Variants in LRP1B observed in about 807,000 individuals in gnomAD.
LRP1B encodes LDL receptor related protein 1B.
Under a neutral mutation model 556.6 loss-of-function variants are expected in LRP1B, and 217 were observed. That is an observed-to-expected ratio of 0.39 (90% confidence interval 0.35 to 0.44). The LOEUF (loss-of-function observed/expected upper bound fraction) is 0.44. Among genes scored for constraint, LRP1B ranks in the 20% least tolerant of loss-of-function variants. LRP1B has a pLI of 1.00. For missense variants in LRP1B, 5,053 were observed against 5,620.8 expected (o/e 0.90, Z 3.23); for synonymous variants, 2,047 against 1,865.8 (o/e 1.10, Z -2.50).
rs1683170631 is a variant in LRP1B, at chr2:141,487,648, C to A, written c.206-7115G>T. ...CTACTTCATTCACTGTCATCTTTCA[C>A]CCTCCCAAAATACACCAAATATATT... On this transcript the variant is annotated intron_variant, in intron 2 of 90. Transcript: ENST00000389484. 2.0e-5 allele frequency among the ~76,000 whole-genome samples: 3 copies of A among 152,236 alleles called. No individual in the cohort carries two copies. In the South Asian group the frequency reaches 6.2e-4, roughly 32 times the overall value.
At chr2:142,054,439 G>A (rs926222601) in intron 1 of LRP1B, among the ~76,000 whole-genome samples, 1 of 151,898 alleles carries the variant, frequency 6.6e-6, no homozygotes, top group African/African-American at 2.4e-5. Flanking sequence ...ATTATGTTAC[G>A]TACTACCCCT....
intron 2 of LRP1B, among the ~76,000 whole-genome samples, chr2:141,769,131 G>C (rs1481567375): frequency 1.3e-5 from 2 of 152,036 alleles, no homozygotes; most frequent in East Asian, 3.9e-4. Context: ...CCTTATTCTA[G>C]TGTCCACATT....
At chr2:141,909,743 A>T (rs1000121492) in intron 1 of LRP1B, among the ~76,000 whole-genome samples, 2 of 151,976 alleles carry the variant, frequency 1.3e-5, no homozygotes, top group African/African-American at 4.8e-5. Flanking sequence ...AGAGCAAAGT[A>T]AACCTAAACT....
chr2:141,923,587 T>A (rs1700257512), intron 1 of LRP1B, among the ~76,000 whole-genome samples: 2 of 150,540 alleles, frequency 1.3e-5, no homozygotes, highest in Non-Finnish European at 3.0e-5. Flanking sequence ...TTGCCCTATA[T>A]GGTAATGTTA....
chr2:141,000,785 T>C (rs62175303), intron 15 of LRP1B, among the ~76,000 whole-genome samples: 14,008 of 152,126 alleles, frequency 0.092, 789 homozygotes, highest in Non-Finnish European at 0.13. Flanking sequence ...TTTTTAGTGA[T>C]AATTCTTTTT....
chr2:141,519,974 G>T (rs772529399), intron 2 of LRP1B, among the ~76,000 whole-genome samples: 1 of 152,100 alleles, frequency 6.6e-6, no homozygotes, highest in Non-Finnish European at 1.5e-5. Context: ...TAAAATATAA[G>T]TGTATAATAG....
chr2:141,208,877 A>C (rs1235032456), intron 6 of LRP1B, among the ~76,000 whole-genome samples: 10 of 1,300 alleles, frequency 7.7e-3, no homozygotes, highest in Middle Eastern at 0.5. Context: ...ATTCCGTCTC[A>C]AAAAAAAAAA....
At chr2:140,898,201 G>A (rs1270211425) in intron 23 of LRP1B, among the ~76,000 whole-genome samples, 1 of 152,118 alleles carries the variant, frequency 6.6e-6, no homozygotes, top group African/African-American at 2.4e-5. Flanking sequence ...ATTTCTACAT[G>A]TCTGTCCATA....
Position 140,517,222 on chromosome 2 carries a change from A to C in LRP1B, c.8027-211T>G, listed in dbSNP as rs371795018. Among the ~76,000 whole-genome samples the C allele has an allele frequency of 2.0e-5, 3 of 152,312 alleles. No homozygotes were observed. The South Asian group carries it at 6.2e-4, about 32-fold the overall frequency. Reference sequence around the variant, plus strand: ...CAGAGACCCATGAGACATGATAATCAAATCCAATCCAGGATTGAGTCCTAG... The same window carrying C: ...CAGAGACCCATGAGACATGATAATCCAATCCAATCCAGGATTGAGTCCTAG... On this transcript the variant is annotated intron_variant, in intron 49 of 90. Coordinates refer to ENST00000389484, the MANE Select transcript of LRP1B (RefSeq NM_018557.3).
intron 7 of LRP1B, among the ~76,000 whole-genome samples, chr2:141,115,115 A>G (rs942862427): frequency 6.6e-6 from 1 of 151,360 alleles, no homozygotes; most frequent in Admixed American, 6.6e-5. Context: ...GTATGGTCAT[A>G]GTGGATAATG....
chr2:141,867,376 C>A (rs941593651), intron 1 of LRP1B, among the ~76,000 whole-genome samples: 3 of 152,014 alleles, frequency 2.0e-5, no homozygotes, highest in African/African-American at 7.2e-5. Flanking sequence ...ATCATATTTT[C>A]TCTCATTTAA....
chr2:142,033,030 G>A (rs916648089), intron 1 of LRP1B, among the ~76,000 whole-genome samples: 18 of 151,524 alleles, frequency 1.2e-4, no homozygotes, highest in African/African-American at 3.6e-4. Context: ...TTTTTTCTAC[G>A]CCTCATCTGT....
At chr2:140,724,498 A>G (rs1277269940) in intron 35 of LRP1B, among the ~76,000 whole-genome samples, 1 of 152,208 alleles carries the variant, frequency 6.6e-6, no homozygotes, top group Non-Finnish European at 1.5e-5. Context: ...TTTTAAAAAT[A>G]AAGACAACAG....
chr2:141,714,668 G>A (rs1367452403), intron 2 of LRP1B, among the ~76,000 whole-genome samples: 1 of 152,230 alleles, frequency 6.6e-6, no homozygotes, highest in Non-Finnish European at 1.5e-5. Flanking sequence ...AGAAACGCAT[G>A]ACCTGGCAGG....
At chr2:141,785,237 C>G (rs1430053765) in intron 2 of LRP1B, among the ~76,000 whole-genome samples, 1 of 151,886 alleles carries the variant, frequency 6.6e-6, no homozygotes, top group Non-Finnish European at 1.5e-5. Context: ...ATGGCAATAT[C>G]ATGAAACAGA....
intron 86 of LRP1B, among the ~76,000 whole-genome samples, chr2:140,269,050 T>G (rs965472134): frequency 5.9e-5 from 9 of 152,020 alleles, no homozygotes; most frequent in Admixed American, 1.3e-4. Context: ...TCCACAAGCT[T>G]TTTCATTTTC....
chr2:141,082,495 G>A (rs1699948876), intron 7 of LRP1B, among the ~76,000 whole-genome samples: 1 of 152,188 alleles, frequency 6.6e-6, no homozygotes, highest in African/African-American at 2.4e-5. Flanking sequence ...CTAATGTGCT[G>A]CAGTGGCCAA....
intron 43 of LRP1B, among the ~76,000 whole-genome samples, chr2:140,547,465 T>C (rs1291604194): frequency 6.6e-6 from 1 of 152,170 alleles, no homozygotes; most frequent in Non-Finnish European, 1.5e-5. Context: ...TATTCTCTGA[T>C]GGTTATTTCT....
At chr2:140,446,205 T>C (rs1220194791) in intron 63 of LRP1B, among the ~76,000 whole-genome samples, 1 of 152,142 alleles carries the variant, frequency 6.6e-6, no homozygotes, top group Admixed American at 6.5e-5. Context: ...TACAATTTTC[T>C]CTAATACTCC....
Sources: allele counts gnomAD v4.1 joint callset (sites outside exome capture counted in the v4.1 genomes callset), GRCh38; gene constraint gnomAD v4.1.1; transcripts MANE v1.5; gene names NCBI Gene and HGNC (gene_info 2026-07-23, HGNC 2026-07-21).